The following TBX4 variants were observed in gnomAD, a reference collection of about 807,000 sequenced individuals.
TBX4 encodes T-box transcription factor 4, also known as T-box transcription factor TBX4.
TBX4 carries 13 observed loss-of-function variants against 54.6 expected under a neutral mutation model. That is an observed-to-expected ratio of 0.24 (90% CI 0.15 to 0.38). TBX4 has a LOEUF of 0.38. Ranked by LOEUF, TBX4 falls within the 10% of genes least tolerant of loss-of-function variation. The pLI is 1.00. For missense variants in TBX4, 631 were observed against 728.5 expected (o/e 0.87, Z 1.54); for synonymous variants, 314 against 306.7 (o/e 1.02, Z -0.25).
chr17:61,467,414 C>A, intron 4 of TBX4, 96 bp from the exon 5 acceptor site: 1 of 1,469,848 alleles, frequency 6.8e-7, no homozygotes, highest in Non-Finnish European at 9.5e-7. Flanking sequence ...GCTATTTTTT[C>A]CTCTGGTCAA....
At chr17:61,455,667 G>A (rs1230416680) in intron 1 of TBX4, among the ~76,000 whole-genome samples, 1 of 152,208 alleles carries the variant, frequency 6.6e-6, no homozygotes, top group Non-Finnish European at 1.5e-5. Context: ...GGGTCTTTAG[G>A]CCCAAAGCAG....
At chr17:61,477,941 CAAAAAA>C (rs10617980) in intron 5 of TBX4, among the ~76,000 whole-genome samples, 4 of 88,668 alleles carry the variant, frequency 4.5e-5, no homozygotes, top group African/African-American at 8.1e-5. Flanking sequence ...GATTCCATCT[CAAAAAA>C]AAAAAAAAAA....
At position 61,462,889 on chromosome 17, in the gene TBX4, T is replaced by A. The variant is rs993246101; in HGVS notation, c.282-2930T>A. On this transcript the variant is annotated intron_variant, in intron 3 of 8. Transcript: ENST00000644296. This position sits in a 1 kb window ranked among gnomAD's most constrained non-coding sequence, Gnocchi z 4.5. Reference sequence around the variant, plus strand: ...GCTCCCAAACCCAGCCTGGCCTCTGTCGCCTGAGGCATGCCACGCTGGGGA... The same window carrying A: ...GCTCCCAAACCCAGCCTGGCCTCTGACGCCTGAGGCATGCCACGCTGGGGA... 2 of 152,342 alleles carry A rather than the reference T, an allele frequency of 1.3e-5. No homozygotes were observed. Among genetic ancestry groups the A allele is most frequent in the African/African-American group, 4.8e-5 (2 of 41,474 alleles). 9.4% of individuals were successfully genotyped at this position (152,342 alleles called of 1,614,324 possible).
chr17:61,462,838 A>C lies in TBX4; in HGVS notation c.282-2981A>C, dbSNP rs1248118899. On this transcript the variant is annotated intron_variant, in intron 3 of 8. Transcript: ENST00000644296. This position sits in a 1 kb window ranked among gnomAD's most constrained non-coding sequence, Gnocchi z 4.5. ...TCCATCATTTCAAACCTTTCATGAG[A>C]GAGGCAGAGCTCACAGGAAGTCACA... 1 of 152,322 alleles carries C rather than the reference A, an allele frequency of 6.6e-6. No homozygotes were observed. Among genetic ancestry groups the C allele is most frequent in the African/African-American group, 2.4e-5 (1 of 41,476 alleles). 9.4% of individuals were successfully genotyped at this position (152,322 alleles called of 1,614,324 possible).
In TBX4 at chr17:61,479,968, A is replaced by G. The variant is rs1212088953; in HGVS notation, c.790A>G (p.Ser264Gly). The G allele has an allele frequency of 6.2e-7, 1 of 1,613,514 alleles. No homozygotes were observed. The highest frequency in any genetic ancestry group is 1.3e-5 in the African/African-American group (1 of 74,822). Residue 264 changes from serine to glycine, a missense_variant and splice_region_variant, in exon 7 of 9, where the codon AGC becomes GGC. Around this residue, in one of 3 missense-constraint regions of TBX4, gnomAD observed 154 missense variants for 238.6 expected, o/e 0.65. Transcript: ENST00000644296. The surrounding 1 kb of genome is among the most constrained non-coding windows in gnomAD (Gnocchi z 6.1). ...TGACCTGCGTGTGGCCCGACTGCAG[A>G]GGTGGGGCTGCGTAGCCTGGGGGTG... The part of the protein sequence containing the change: ...DSDLRVARLQ[S>G]KEYPVISKSI...
chr17:61,467,716 A>G (rs943538905), intron 5 of TBX4, 59 bp downstream of exon 5: 35 of 1,607,634 alleles, frequency 2.2e-5, no homozygotes, highest in Non-Finnish European at 2.6e-5. Context: ...TAGGGGTGGG[A>G]CAGGCCAGGA....
chr17:61,484,945 A>AT lies in TBX4; in HGVS notation c.*1429_*1430insT, dbSNP rs2060693108. The AT allele has an allele frequency of 1.6e-4, 22 of 140,618 alleles. 1 individual carries two copies. Among genetic ancestry groups the AT allele is most frequent in the East Asian group, 6.0e-4 (3 of 4,960 alleles). The allele number at this position is 140,618 out of a possible 1,614,324, so 8.7% of individuals were successfully genotyped here. A position where few individuals can be genotyped will look rare whatever the true frequency, so the allele number is the denominator to read the frequency against. On this transcript the variant is annotated 3_prime_UTR_variant, in exon 9 of 9. Transcript: ENST00000644296. This position sits in a 1 kb window ranked among gnomAD's most constrained non-coding sequence, Gnocchi z 4.1. ...ATGGTTTAGATAAAACATATAAATA[A>AT]ATATATATATATATATATATATATA...
chr17:61,479,222 G>A lies in TBX4; in HGVS notation c.702+443G>A, dbSNP rs567886373. ...GAGCCTGAGCGGAGGCCCTTCCCAG[G>A]CTGTGATAGGAGGTGCCCCAGCCAC... On this transcript the variant is annotated intron_variant, in intron 6 of 8. Transcript: ENST00000644296. This position sits in a 1 kb window ranked among gnomAD's most constrained non-coding sequence, Gnocchi z 6.1. Among the ~76,000 whole-genome samples, 1 of 152,130 alleles carries A rather than the reference G, an allele frequency of 6.6e-6. No homozygotes were observed. The highest frequency in any genetic ancestry group is 1.5e-5 in the Non-Finnish European group (1 of 68,020).
At position 61,478,180 on chromosome 17, in the gene TBX4, G is replaced by T. The variant is rs1017693269; in HGVS notation, c.550-447G>T. On this transcript the variant is annotated intron_variant, in intron 5 of 8. Transcript: ENST00000644296. This position sits in a 1 kb window ranked among gnomAD's most constrained non-coding sequence, Gnocchi z 7.4. Reference sequence around the variant, plus strand: ...CTGAGGGAGGGAGGTTACATGTTATGATCCCATTTACAAATGTGGAAACTG... The same window carrying T: ...CTGAGGGAGGGAGGTTACATGTTATTATCCCATTTACAAATGTGGAAACTG... Among the ~76,000 whole-genome samples, 48 of 152,108 alleles carry T rather than the reference G, an allele frequency of 3.2e-4. No homozygotes were observed. The highest frequency in any genetic ancestry group is 6.3e-4 in the Non-Finnish European group (43 of 68,010).
At position 61,465,907 on chromosome 17, in the gene TBX4, G is replaced by A. The variant is rs773120525; in HGVS notation, c.370G>A (p.Asp124Asn). The A allele has an allele frequency of 6.2e-7, 1 of 1,614,100 alleles. No individual in the cohort carries two copies. Among genetic ancestry groups the A allele is most frequent in the Non-Finnish European group, 8.5e-7 (1 of 1,180,002 alleles). ...ILLIDIVPAD[D>N]HRYKFCDNKW... ...GCTGATTGACATTGTCCCTGCCGAT[G>A]ACCATCGCTACAAGTTCTGTGACAA... The change falls in exon 4 of 9, where the codon GAC becomes AAC. Residue 124 changes from aspartate (D) to asparagine (N), a missense_variant. Transcript: ENST00000644296. The surrounding 1 kb of genome is among the most constrained non-coding windows in gnomAD (Gnocchi z 4.9).
In TBX4 at chr17:61,461,442, G is replaced by A. The variant is rs1315651455; in HGVS notation, c.281+3811G>A. Among the ~76,000 whole-genome samples the A allele has an allele frequency of 6.6e-6, 1 of 152,142 alleles. No individual in the cohort carries two copies. Among genetic ancestry groups the A allele is most frequent in the Non-Finnish European group, 1.5e-5 (1 of 68,018 alleles). ...CCTGGCCTCTTCCCCGTACACCCAGGATTCCTCCTGAAAAGCCCCCACGGA... is the reference window on the plus strand; with the variant it reads ...CCTGGCCTCTTCCCCGTACACCCAGAATTCCTCCTGAAAAGCCCCCACGGA... On this transcript the variant is annotated intron_variant, in intron 3 of 8. Coordinates refer to ENST00000644296, the MANE Select transcript of TBX4 (RefSeq NM_001321120.2). The surrounding 1 kb of genome is among the most constrained non-coding windows in gnomAD (Gnocchi z 5.1).
Position 61,462,375 on chromosome 17 carries a change from G to T in TBX4, c.282-3444G>T, listed in dbSNP as rs1221913097. Among the ~76,000 whole-genome samples, 2 of 152,142 alleles carry T rather than the reference G, an allele frequency of 1.3e-5. No homozygotes were observed. Among genetic ancestry groups the T allele is most frequent in the Non-Finnish European group, 2.9e-5 (2 of 68,012 alleles). ...AGGGCGGGGGAGCCCCCATCTGTCT[G>T]GGGGCGCGGGAGCCCGACGGCGCGA... On this transcript the variant is annotated intron_variant, in intron 3 of 8. Coordinates refer to ENST00000644296, the MANE Select transcript of TBX4 (RefSeq NM_001321120.2). This position sits in a 1 kb window ranked among gnomAD's most constrained non-coding sequence, Gnocchi z 4.5.
intron 1 of TBX4, 74 bp from the exon 2 acceptor site, chr17:61,456,414 C>A: frequency 2.0e-6 from 3 of 1,529,862 alleles, no homozygotes; most frequent in Non-Finnish European, 2.6e-6. Flanking sequence ...GTCCCGGAAT[C>A]GGCTGGAGAG....
chr17:61,467,684 G>A (rs2060546216), intron 5 of TBX4, 27 bp downstream of exon 5: 1 of 1,613,828 alleles, frequency 6.2e-7, no homozygotes, highest in African/African-American at 1.3e-5. Context: ...CCTGGCCCCA[G>A]GAGGCAAGTC....
rs1206534268 is a variant in TBX4 at position 61,465,889 on chromosome 17, G to T, written c.352G>T (p.Asp118Tyr). Residue 118 changes from aspartate to tyrosine, a missense_variant, in exon 4 of 9, where the codon GAC (aspartate) becomes TAC (tyrosine). Asp to Tyr is a radical substitution (Grantham distance 160, BLOSUM62 -3). Around this residue, in one of 3 missense-constraint regions of TBX4, gnomAD observed 154 missense variants for 238.6 expected, o/e 0.65. Transcript: ENST00000644296. The surrounding 1 kb of genome is among the most constrained non-coding windows in gnomAD (Gnocchi z 4.9). ...NPKTKYILLI[D>Y]IVPADDHRYK... ...CAAGACCAAGTATATCCTGCTGATT[G>T]ACATTGTCCCTGCCGATGACCATCG... 6.2e-7 allele frequency: 1 copy of T among 1,614,146 alleles called. No homozygotes were observed. The highest frequency in any genetic ancestry group is 8.5e-7 in the Non-Finnish European group (1 of 1,180,024).
rs781273546 is a variant in TBX4, at chr17:61,479,681, G to A, written c.703-200G>A. On this transcript the variant is annotated intron_variant, in intron 6 of 8. Coordinates refer to ENST00000644296, the MANE Select transcript of TBX4 (RefSeq NM_001321120.2). The surrounding 1 kb of genome is among the most constrained non-coding windows in gnomAD (Gnocchi z 6.1). The stretch of plus-strand genomic sequence containing the variant: ...CCAGACCTGCCCCAGTTCTGCCTGT[G>A]CCTGGGGTTGGGGAGGAGGGAAGGC... 3.3e-5 allele frequency among the ~76,000 whole-genome samples: 5 copies of A among 152,146 alleles called. No homozygotes were observed. The highest frequency in any genetic ancestry group is 5.9e-5 in the Non-Finnish European group (4 of 68,020).
Position 61,482,989 on chromosome 17 carries a change from C to G in TBX4, c.1114C>G (p.Pro372Ala), listed in dbSNP as rs199727670. 2.8e-5 allele frequency: 45 copies of G among 1,614,086 alleles called. No homozygotes were observed. The highest frequency in any genetic ancestry group is 1.8e-4 in the East Asian group (8 of 44,868). ...GGAGGATCACTATTTCCGTTCCCCC[C>G]CTCCCTACGACCAGCAAATGCTGAG... is the stretch of plus-strand genomic sequence containing the variant. ...VGEDHYFRSP[P>A]PYDQQMLSPS... The change falls in exon 9 of 9, where the codon CCT (proline) becomes GCT (alanine). Residue 372 changes from proline to alanine, a missense_variant. By Grantham distance (27) the Pro-to-Ala change is conservative. Transcript: ENST00000644296.
In TBX4 at chr17:61,483,612, C is replaced by CTG. The variant is rs2060682556; in HGVS notation, c.*96_*97insTG. 4 of 859,586 alleles carry CTG rather than the reference C, an allele frequency of 4.7e-6. No individual in the cohort carries two copies. The highest frequency in any genetic ancestry group is 6.8e-6 in the Non-Finnish European group (4 of 584,126). The allele number at this position is 859,586 out of a possible 1,614,324, so 53.2% of individuals were successfully genotyped here. The stretch of plus-strand genomic sequence containing the variant: ...TACCAAGAAACACAGGAAGGTATTC[C>CTG]AGTGTGTGTGTGTGTGTGTGTGTGT... On this transcript the variant is annotated 3_prime_UTR_variant, in exon 9 of 9. Coordinates refer to ENST00000644296, the MANE Select transcript of TBX4 (RefSeq NM_001321120.2). This position sits in a 1 kb window ranked among gnomAD's most constrained non-coding sequence, Gnocchi z 6.6.
At position 61,462,686 on chromosome 17, in the gene TBX4, A is replaced by T. The variant is rs1451067708; in HGVS notation, c.282-3133A>T. The stretch of plus-strand genomic sequence containing the variant: ...CTGCGTGGACACAGGCGGCACACAC[A>T]GTGTCTTCCTTCTTGGTCACCTCCC... On this transcript the variant is annotated intron_variant, in intron 3 of 8. Transcript: ENST00000644296. The surrounding 1 kb of genome is among the most constrained non-coding windows in gnomAD (Gnocchi z 4.5). Among the ~76,000 whole-genome samples, 2 of 152,208 alleles carry T rather than the reference A, an allele frequency of 1.3e-5. No homozygotes were observed. Among genetic ancestry groups the T allele is most frequent in the Admixed American group, 1.3e-4 (2 of 15,292 alleles).
Sources: allele counts gnomAD v4.1 joint callset (sites outside exome capture counted in the v4.1 genomes callset), GRCh38; gene constraint gnomAD v4.1.1; regional missense constraint gnomAD v4.1.1; non-coding constraint Gnocchi (gnomAD v3.1); transcripts MANE v1.5; gene names NCBI Gene and HGNC (gene_info 2026-07-23, HGNC 2026-07-21).